Variants in HS6ST3 observed in about 807,000 individuals in gnomAD.
HS6ST3 encodes the protein heparan sulfate 6-O-sulfotransferase 3.
In HS6ST3, 12 loss-of-function variants were observed where a neutral mutation model predicts 36.7. The observed-to-expected ratio is 0.33, with a 90% CI of 0.21 to 0.53. The LOEUF (loss-of-function observed/expected upper bound fraction) is 0.53. Ranked by LOEUF, HS6ST3 falls within the 20% of genes least tolerant of loss-of-function variation. The pLI is 0.95. For missense variants in HS6ST3, 584 were observed against 640.9 expected (o/e 0.91, Z 0.96); for synonymous variants, 240 against 257.5 (o/e 0.93, Z 0.65).
At chr13:96,645,046 A>G (rs998022377) in intron 1 of HS6ST3, among the ~76,000 whole-genome samples, 1 of 151,948 alleles carries the variant, frequency 6.6e-6, no homozygotes, top group East Asian at 1.9e-4. Flanking sequence ...CCATGAAGAG[A>G]TTCAGAGGCC....
intron 1 of HS6ST3, among the ~76,000 whole-genome samples, chr13:96,528,042 C>A (rs1321838008): frequency 1.3e-5 from 2 of 152,108 alleles, no homozygotes; most frequent in Non-Finnish European, 2.9e-5. Flanking sequence ...TTAAGACTGA[C>A]CTTGGTAAAG....
intron 1 of HS6ST3, among the ~76,000 whole-genome samples, chr13:96,750,293 AG>A (rs1246687967): frequency 6.6e-6 from 1 of 152,200 alleles, no homozygotes; most frequent in Non-Finnish European, 1.5e-5. Context: ...CACAAGCCCC[AG>A]GGAAGACCAG....
chr13:96,713,476 C>A (rs139335113), intron 1 of HS6ST3, among the ~76,000 whole-genome samples: 4 of 152,136 alleles, frequency 2.6e-5, no homozygotes, highest in Non-Finnish European at 5.9e-5. Flanking sequence ...TGCATTAAAG[C>A]CCATTTTTAA....
intron 1 of HS6ST3, among the ~76,000 whole-genome samples, chr13:96,319,325 G>A (rs541467967): frequency 6.6e-6 from 1 of 152,222 alleles, no homozygotes; most frequent in African/African-American, 2.4e-5. Context: ...AGCTTATAAC[G>A]GCACTTCATT....
At chr13:96,800,017 T>C (rs969631497) in intron 1 of HS6ST3, among the ~76,000 whole-genome samples, 2 of 141,188 alleles carry the variant, frequency 1.4e-5, no homozygotes, top group African/African-American at 5.2e-5. Context: ...TATATATGTA[T>C]ATATATATAT....
At chr13:96,426,183 C>T (rs566361094) in intron 1 of HS6ST3, among the ~76,000 whole-genome samples, 3 of 151,862 alleles carry the variant, frequency 2.0e-5, no homozygotes, top group Non-Finnish European at 4.4e-5. Flanking sequence ...GCAGGGGTCT[C>T]GTCAACCTGT....
chr13:96,751,896 A>G (rs557345129), intron 1 of HS6ST3, among the ~76,000 whole-genome samples: 2 of 150,902 alleles, frequency 1.3e-5, no homozygotes, highest in South Asian at 2.1e-4. Context: ...ATATATATAA[A>G]CTATATATAT....
At chr13:96,582,619 TAGG>T (rs1225659716) in intron 1 of HS6ST3, among the ~76,000 whole-genome samples, 1 of 152,110 alleles carries the variant, frequency 6.6e-6, no homozygotes, top group Non-Finnish European at 1.5e-5. Flanking sequence ...AACTAATGAG[TAGG>T]AGATGTAAAT....
intron 1 of HS6ST3, among the ~76,000 whole-genome samples, chr13:96,118,876 A>C (rs2053911692): frequency 6.8e-6 from 1 of 147,318 alleles, no homozygotes; most frequent in South Asian, 2.2e-4. Flanking sequence ...GCGCCCGGCT[A>C]ATTTTTTGTA....
At chr13:96,706,440 T>TATATATATATAA (rs1491180585) in intron 1 of HS6ST3, among the ~76,000 whole-genome samples, 7 of 137,602 alleles carry the variant, frequency 5.1e-5, no homozygotes, top group African/African-American at 1.4e-4. Context: ...TATATATATA[T>TATATATATATAA]AATCAGGGAA....
intron 1 of HS6ST3, among the ~76,000 whole-genome samples, chr13:96,507,820 A>G (rs1011008849): frequency 6.6e-6 from 1 of 152,124 alleles, no homozygotes; most frequent in South Asian, 2.1e-4. Context: ...ATAACTTTAG[A>G]ATGTATTATA....
intron 1 of HS6ST3, among the ~76,000 whole-genome samples, chr13:96,693,371 C>T (rs1324086771): frequency 6.6e-6 from 1 of 152,166 alleles, no homozygotes; most frequent in Non-Finnish European, 1.5e-5. Flanking sequence ...ATGGCGCAAC[C>T]TTGGCTCACT....
At chr13:96,497,352 G>A (rs979708683) in intron 1 of HS6ST3, among the ~76,000 whole-genome samples, 2 of 152,114 alleles carry the variant, frequency 1.3e-5, no homozygotes, top group African/African-American at 4.8e-5. Flanking sequence ...GGAATGTGAG[G>A]TACAAATAGT....
intron 1 of HS6ST3, among the ~76,000 whole-genome samples, chr13:96,801,449 G>C (rs1345517178): frequency 1.3e-5 from 2 of 151,968 alleles, no homozygotes; most frequent in Admixed American, 1.3e-4. Flanking sequence ...TGCTTGAATG[G>C]TGTTAATTTT....
chr13:96,685,335 C>T (rs772101203), intron 1 of HS6ST3, among the ~76,000 whole-genome samples: 3 of 151,966 alleles, frequency 2.0e-5, no homozygotes, highest in Non-Finnish European at 2.9e-5. Flanking sequence ...TACAGAAATA[C>T]GACTACTGGA....
At chr13:96,684,779 A>G (rs756139826) in intron 1 of HS6ST3, among the ~76,000 whole-genome samples, 2 of 152,080 alleles carry the variant, frequency 1.3e-5, no homozygotes, top group Admixed American at 6.6e-5. Context: ...ATTACAATGC[A>G]CTTCACAGTG....
In HS6ST3 at chr13:96,478,131, C is replaced by A. The variant is rs1204036120; in HGVS notation, c.708-354359C>A. Reference sequence around the variant, plus strand: ...AAAAAATAGGACCTAGCTCAGTGCCCCAGGCCTACAACAGTGGGAGCTCAA... The same window carrying A: ...AAAAAATAGGACCTAGCTCAGTGCCACAGGCCTACAACAGTGGGAGCTCAA... On this transcript the variant is annotated intron_variant, in intron 1 of 1. Coordinates refer to ENST00000376705, the MANE Select transcript of HS6ST3 (RefSeq NM_153456.4). 3.9e-5 allele frequency among the ~76,000 whole-genome samples: 6 copies of A among 152,030 alleles called. No homozygotes were observed. The East Asian group carries it at 1.2e-3, about 29-fold the overall frequency.
chr13:96,792,798 A>G (rs2138521454), intron 1 of HS6ST3, among the ~76,000 whole-genome samples: 1 of 152,148 alleles, frequency 6.6e-6, no homozygotes, highest in South Asian at 2.1e-4. Context: ...CAGTTTGACT[A>G]GAAAATTTTG....
intron 1 of HS6ST3, among the ~76,000 whole-genome samples, chr13:96,661,959 G>A (rs1163965611): frequency 6.6e-6 from 1 of 152,132 alleles, no homozygotes; most frequent in East Asian, 1.9e-4. Flanking sequence ...CTGCTAAGAA[G>A]TCTACTTTTA....
Sources: allele counts gnomAD v4.1 joint callset (sites outside exome capture counted in the v4.1 genomes callset), GRCh38; gene constraint gnomAD v4.1.1; transcripts MANE v1.5; gene names NCBI Gene and HGNC (gene_info 2026-07-23, HGNC 2026-07-21).